MAP4K5: variants seen among roughly 807,000 people sequenced by gnomAD.
The protein encoded by MAP4K5 is MAPK/ERK kinase kinase kinase 5.
Under a neutral mutation model 135.6 loss-of-function variants are expected in MAP4K5, and 82 were observed. That is an observed-to-expected ratio of 0.60 (90% CI 0.51 to 0.73). The LOEUF is 0.73. Among genes scored for constraint, MAP4K5 ranks in the 30% least tolerant of loss-of-function variants. The pLI, the probability that MAP4K5 is intolerant of heterozygous loss-of-function variation, is 0.00. For missense variants in MAP4K5, 907 were observed against 1,010.9 expected (o/e 0.90, Z 1.39); for synonymous variants, 347 against 335.0 (o/e 1.04, Z -0.39).
chr14:50,482,284 GGCAATT>G, intron 6 of MAP4K5, 71 bp downstream of exon 6: 1 of 757,756 alleles, frequency 1.3e-6, no homozygotes, highest in Non-Finnish European at 2.0e-6. Flanking sequence ...TCAATTGTCA[GGCAATT>G]GCCTTTCTAA....
chr14:50,545,268 A>G (rs2038616370), intron 1 of MAP4K5, among the ~76,000 whole-genome samples: 1 of 152,214 alleles, frequency 6.6e-6, no homozygotes, highest in African/African-American at 2.4e-5. Flanking sequence ...TAATAAACTC[A>G]TCTACTTGCC....
upstream of MAP4K5, among the ~76,000 whole-genome samples, chr14:50,534,921 A>G (rs1396453029): frequency 1.3e-5 from 2 of 152,250 alleles, no homozygotes; most frequent in African/African-American, 4.8e-5. Flanking sequence ...CTAGACAATT[A>G]AGCAAACAAT....
chr14:50,487,365 A>G (rs888425225), intron 3 of MAP4K5, among the ~76,000 whole-genome samples: 4 of 78,678 alleles, frequency 5.1e-5, no homozygotes, highest in African/African-American at 1.2e-4. Context: ...AATATGACAC[A>G]TTTATTTATA....
intron 32 of MAP4K5, among the ~76,000 whole-genome samples, chr14:50,420,467 CA>C (rs201904609): frequency 1.3e-5 from 2 of 149,790 alleles, no homozygotes; most frequent in South Asian, 2.1e-4. Flanking sequence ...CCCAACTCTA[CA>C]AAAAAAAATA....
intron 18 of MAP4K5, 119 bp downstream of exon 18, chr14:50,444,917 TAAAAA>T (rs771337446): frequency 1.9e-6 from 2 of 1,070,236 alleles, no homozygotes; most frequent in Non-Finnish European, 2.6e-6. Context: ...ATTGACTAAA[TAAAAA>T]AGATATTTTT....
chr14:50,425,746 C>T (rs2139626507), intron 31 of MAP4K5, among the ~76,000 whole-genome samples, 161 bp downstream of exon 31: 1 of 152,222 alleles, frequency 6.6e-6, no homozygotes, highest in Non-Finnish European at 1.5e-5. Flanking sequence ...CAGAAGTGAA[C>T]ATAGTTGAAG....
chr14:50,430,994 C>G (rs1428262426), intron 28 of MAP4K5, among the ~76,000 whole-genome samples: 1 of 152,180 alleles, frequency 6.6e-6, no homozygotes, highest in Non-Finnish European at 1.5e-5. Context: ...TCAGAGCCTG[C>G]TTCCCCCATT....
At chr14:50,490,184 T>C (rs2037454781) in intron 3 of MAP4K5, among the ~76,000 whole-genome samples, 2 of 126,144 alleles carry the variant, frequency 1.6e-5, no homozygotes, top group East Asian at 6.1e-4. Flanking sequence ...CTGATACTCT[T>C]AGAAAAAAAA....
Position 50,468,753 on chromosome 14 carries a change from T to G in MAP4K5, c.572A>C (p.Lys191Thr). 5 of 1,611,768 alleles carry G rather than the reference T, an allele frequency of 3.1e-6. No homozygotes were observed. Among genetic ancestry groups the G allele is most frequent in the Non-Finnish European group, 4.2e-6 (5 of 1,178,776 alleles). Residue 191 changes from lysine to threonine, a missense_variant, in exon 10 of 33, where the codon AAG (lysine) becomes ACG (threonine). Coordinates refer to ENST00000682126, the MANE Select transcript of MAP4K5 (RefSeq NM_006575.6). ...ACAGAGTTGGTTGTAGCCACCATTC[T>G]TCTCTACTGCTGCAACTTCTGGGGC... ...WMAPEVAAVE[K>T]NGGYNQLCDI...
chr14:50,532,950 C>A (rs1426604603), upstream of MAP4K5: 10 of 152,530 alleles, frequency 6.6e-5, no homozygotes, highest in African/African-American at 2.4e-4. Flanking sequence ...GGAAAAGGTA[C>A]GTTAAGGGCA....
intron 1 of MAP4K5, among the ~76,000 whole-genome samples, chr14:50,558,014 G>A (rs974552267): frequency 6.6e-6 from 1 of 152,158 alleles, no homozygotes; most frequent in Non-Finnish European, 1.5e-5. Context: ...AAAAAGAATG[G>A]TGATGCATAG....
chr14:50,446,152 A>G (rs892788031), intron 16 of MAP4K5, 31 bp from the exon 17 acceptor site: 12 of 1,446,330 alleles, frequency 8.3e-6, no homozygotes, highest in Admixed American at 2.1e-5. Context: ...AATTTAGATG[A>G]TGATAAATGA....
chr14:50,513,337 C>G (rs2037968050), intron 2 of MAP4K5, among the ~76,000 whole-genome samples: 1 of 151,856 alleles, frequency 6.6e-6, no homozygotes, highest in African/African-American at 2.4e-5. Context: ...TCCACTTAAA[C>G]AAACAAAAAA....
intron 2 of MAP4K5, among the ~76,000 whole-genome samples, chr14:50,513,464 T>C (rs917314123): frequency 2.1e-4 from 32 of 152,258 alleles, no homozygotes; most frequent in Non-Finnish European, 1.0e-4. Context: ...TAAAAGTTAA[T>C]GAAGAAAAGT....
intron 1 of MAP4K5, among the ~76,000 whole-genome samples, chr14:50,548,792 G>T (rs985110424): frequency 6.6e-6 from 1 of 152,122 alleles, no homozygotes; most frequent in African/African-American, 2.4e-5. Context: ...TTACAGGTGT[G>T]AGCCACTGCA....
Position 50,428,772 on chromosome 14 carries a change from AGT to A in MAP4K5, c.2234-20_2234-19del. The A allele has an allele frequency of 1.5e-5, 18 of 1,209,116 alleles. No individual in the cohort carries two copies. Among genetic ancestry groups the A allele is most frequent in the Middle Eastern group, 2.0e-4 (1 of 5,010 alleles). The allele number at this position is 1,209,116 out of a possible 1,614,324, so 74.9% of individuals were successfully genotyped here. Reference sequence around the variant, plus strand: ...CACAAATTCTTAAAAAAAAAAAACAAGTCAAGACTGGACATGCAAATCTGCTA... The same window carrying A: ...CACAAATTCTTAAAAAAAAAAAACAACAAGACTGGACATGCAAATCTGCTA... On this transcript the variant is annotated intron_variant, in intron 29 of 32. Transcript: ENST00000682126.
intron 6 of MAP4K5, among the ~76,000 whole-genome samples, chr14:50,479,799 T>G (rs923989168): frequency 1.3e-5 from 2 of 152,198 alleles, no homozygotes; most frequent in African/African-American, 4.8e-5. Context: ...ACTCCAATAC[T>G]CTGAAGCACT....
chr14:50,425,074 G>A (rs2035816756), intron 31 of MAP4K5, among the ~76,000 whole-genome samples: 1 of 152,198 alleles, frequency 6.6e-6, no homozygotes, highest in African/African-American at 2.4e-5. Flanking sequence ...AACAGAAGAA[G>A]TTTTTGAGCT....
At chr14:50,557,073 C>T (rs986899197) in intron 1 of MAP4K5, among the ~76,000 whole-genome samples, 1 of 152,096 alleles carries the variant, frequency 6.6e-6, no homozygotes, top group Non-Finnish European at 1.5e-5. Flanking sequence ...AGACTTTTTC[C>T]CAAAGTATCT....
Sources: allele counts gnomAD v4.1 joint callset (sites outside exome capture counted in the v4.1 genomes callset), GRCh38; gene constraint gnomAD v4.1.1; transcripts MANE v1.5; gene names NCBI Gene and HGNC (gene_info 2026-07-23, HGNC 2026-07-21).